The following PPFIA2 variants were observed in gnomAD, a reference collection of about 807,000 sequenced individuals.
The protein encoded by PPFIA2 is liprin-alpha-2.
Under a neutral mutation model 175.5 loss-of-function variants are expected in PPFIA2, and 46 were observed. The ratio of observed to expected loss-of-function variants is 0.26; its 90% CI spans 0.21 to 0.34. The LOEUF is 0.34. Ranked by LOEUF, PPFIA2 falls within the 10% of genes least tolerant of loss-of-function variation. The pLI, the probability that PPFIA2 is intolerant of heterozygous loss-of-function variation, is 1.00. For synonymous variants in PPFIA2, 568 were observed against 511.4 expected, an observed-to-expected ratio of 1.11 and a Z score of -1.49; for missense variants, 1,179 against 1,506.1, an observed-to-expected ratio of 0.78 and a Z score of 3.60.
At chr12:81,540,415 T>G (rs183946930) in intron 4 of PPFIA2, among the ~76,000 whole-genome samples, 1 of 152,098 alleles carries the variant, frequency 6.6e-6, no homozygotes. Flanking sequence ...AGAAAGTAAA[T>G]ATTCCCTGTA....
chr12:81,311,365 C>G (rs1201486419), intron 22 of PPFIA2, among the ~76,000 whole-genome samples: 3 of 152,106 alleles, frequency 2.0e-5, no homozygotes, highest in Non-Finnish European at 2.9e-5. Context: ...GCATTTAACC[C>G]TTTTCAGATA....
At chr12:81,391,560 C>T (rs1595974367) in intron 8 of PPFIA2, among the ~76,000 whole-genome samples, 2 of 151,878 alleles carry the variant, frequency 1.3e-5, no homozygotes, top group East Asian at 1.9e-4. Flanking sequence ...ATCACAAACC[C>T]GGTAATTCAG....
chr12:81,728,774 G>GA (rs1365700787), intron 3 of PPFIA2, among the ~76,000 whole-genome samples: 1 of 151,266 alleles, frequency 6.6e-6, no homozygotes, highest in Non-Finnish European at 1.5e-5. Context: ...TGATAACCCA[G>GA]AAAAAGAATT....
intron 9 of PPFIA2, among the ~76,000 whole-genome samples, chr12:81,381,662 T>C (rs2037735029): frequency 6.6e-6 from 1 of 152,140 alleles, no homozygotes; most frequent in Admixed American, 6.6e-5. Flanking sequence ...TTATGAATTC[T>C]CTGAGTTTGA....
At chr12:81,598,372 A>G (rs771543558) in intron 4 of PPFIA2, 47 of 1,092,434 alleles carry the variant, frequency 4.3e-5, no homozygotes, top group Non-Finnish European at 4.9e-5. Context: ...ATCTGTTCTC[A>G]GTGATAATCA....
chr12:81,402,376 CAATCCTTTGACAACTTG>C (rs1175020301), intron 8 of PPFIA2, among the ~76,000 whole-genome samples: 1 of 151,892 alleles, frequency 6.6e-6, no homozygotes, highest in Non-Finnish European at 1.5e-5. Context: ...CTTTAAATTA[CAATCCTTTGACAACTTG>C]TTTTATGGCA....
intron 4 of PPFIA2, among the ~76,000 whole-genome samples, chr12:81,586,837 A>G (rs2075368309): frequency 6.6e-6 from 1 of 151,956 alleles, no homozygotes; most frequent in African/African-American, 2.4e-5. Flanking sequence ...TAAATTTAAG[A>G]TAAGCCAATA....
intron 4 of PPFIA2, among the ~76,000 whole-genome samples, chr12:81,515,579 T>C (rs1392192206): frequency 2.6e-5 from 4 of 152,086 alleles, no homozygotes; most frequent in African/African-American, 9.6e-5. Flanking sequence ...TACTGAAGAC[T>C]ATCACTTGCT....
At chr12:81,596,608 A>G (rs1415951896) in intron 4 of PPFIA2, among the ~76,000 whole-genome samples, 5 of 152,136 alleles carry the variant, frequency 3.3e-5, no homozygotes, top group Non-Finnish European at 7.4e-5. Context: ...ATGACCGAGC[A>G]TATGGAATGA....
intron 3 of PPFIA2, among the ~76,000 whole-genome samples, chr12:81,741,075 C>G (rs538517017): frequency 6.6e-6 from 1 of 152,196 alleles, no homozygotes; most frequent in East Asian, 1.9e-4. Context: ...AATTTCAAAT[C>G]CACAGAAATT....
chr12:81,427,453 C>G (rs1295182086), intron 7 of PPFIA2, among the ~76,000 whole-genome samples: 1 of 152,042 alleles, frequency 6.6e-6, no homozygotes, highest in Non-Finnish European at 1.5e-5. Flanking sequence ...ACCAAGCACA[C>G]AGTAACCTCC....
At chr12:81,566,753 C>T (rs758053768) in intron 4 of PPFIA2, among the ~76,000 whole-genome samples, 29 of 152,064 alleles carry the variant, frequency 1.9e-4, no homozygotes, top group Non-Finnish European at 3.5e-4. Context: ...TTATTTGTGT[C>T]CCATATTTTT....
chr12:81,394,424 C>G (rs1349047956), intron 8 of PPFIA2, among the ~76,000 whole-genome samples: 1 of 151,740 alleles, frequency 6.6e-6, no homozygotes, highest in Non-Finnish European at 1.5e-5. Context: ...AATTTATTTT[C>G]TATTTTTAAA....
intron 4 of PPFIA2, among the ~76,000 whole-genome samples, chr12:81,621,547 G>A (rs2062043426): frequency 6.6e-6 from 1 of 152,152 alleles, no homozygotes. Context: ...TTAGTTAGAG[G>A]GGAAGAAGCT....
intron 9 of PPFIA2, among the ~76,000 whole-genome samples, chr12:81,376,799 G>A (rs921175929): frequency 3.3e-5 from 5 of 152,076 alleles, no homozygotes; most frequent in African/African-American, 1.2e-4. Context: ...AAGGATCCTG[G>A]AATTGAGGAA....
chr12:81,347,793 G>T (rs748728348), intron 17 of PPFIA2, 23 bp from the exon 18 acceptor site: 5 of 1,610,414 alleles, frequency 3.1e-6, no homozygotes, highest in Non-Finnish European at 4.2e-6. Context: ...GTTTAATTAT[G>T]ATCCATATAT....
At chr12:81,433,363 C>T (rs1462735132) in intron 7 of PPFIA2, among the ~76,000 whole-genome samples, 1 of 152,164 alleles carries the variant, frequency 6.6e-6, no homozygotes, top group Non-Finnish European at 1.5e-5. Flanking sequence ...CGCTTATTCT[C>T]TGTTCCCTTC....
chr12:81,564,164 A>G (rs1384739214), intron 4 of PPFIA2, among the ~76,000 whole-genome samples: 1 of 152,242 alleles, frequency 6.6e-6, no homozygotes, highest in African/African-American at 2.4e-5. Context: ...TCTGATAAAC[A>G]TTGTACATAG....
intron 3 of PPFIA2, among the ~76,000 whole-genome samples, chr12:81,677,591 C>G (rs2072789814): frequency 6.6e-6 from 1 of 151,718 alleles, no homozygotes; most frequent in South Asian, 2.1e-4. Flanking sequence ...TGAGTAAGAA[C>G]AGGTGACATT....
Sources: gnomAD v4.1 joint callset for allele counts (sites outside exome capture counted in the v4.1 genomes callset) on GRCh38, gnomAD v4.1.1 for gene constraint, MANE v1.5 for transcripts, NCBI Gene and HGNC (gene_info 2026-07-23, HGNC 2026-07-21) for gene names.